ESPL1: variants seen among roughly 807,000 people sequenced by gnomAD.
The protein encoded by ESPL1 is separin.
ESPL1 carries 50 observed loss-of-function variants against 217.2 expected under a neutral mutation model. The observed-to-expected ratio is 0.23, with a 90% CI of 0.18 to 0.29. The LOEUF is 0.29. Among genes scored for constraint, ESPL1 ranks in the 10% least tolerant of loss-of-function variants. The pLI is 1.00. For missense variants in ESPL1, 1,834 were observed against 2,603.0 expected, an observed-to-expected ratio of 0.70 and a Z score of 6.43; for synonymous variants, 994 against 1,081.3, an observed-to-expected ratio of 0.92 and a Z score of 1.58.
intron 6 of ESPL1, chr12:53,274,235 TG>T (rs2120894407): frequency 6.5e-6 from 1 of 153,382 alleles, no homozygotes; most frequent in African/African-American, 2.4e-5. Context: ...TAGAGGGGCT[TG>T]GGTTTCATCT....
At position 53,283,110 on chromosome 12, in the gene ESPL1, T is replaced by C. The variant is rs748114013; in HGVS notation, c.2792-19T>C. On this transcript the variant is annotated intron_variant, in intron 14 of 30. Transcript: ENST00000257934. ...AGTTCTGGCTGCATCTTCTCCCTTTTTCACCCCACCCACCACAGGCTGGCA... is the reference window on the plus strand; with the variant it reads ...AGTTCTGGCTGCATCTTCTCCCTTTCTCACCCCACCCACCACAGGCTGGCA... 2.5e-6 allele frequency: 4 copies of C among 1,613,844 alleles called. No individual in the cohort carries two copies. Among genetic ancestry groups the C allele is most frequent in the Non-Finnish European group, 8.5e-7 (1 of 1,180,010 alleles).
rs755500270 is a variant in ESPL1, at chr12:53,282,160, A to C, written c.2620-104A>C. On this transcript the variant is annotated intron_variant, in intron 13 of 30. Transcript: ENST00000257934. This position sits in a 1 kb window ranked among gnomAD's most constrained non-coding sequence, Gnocchi z 4.0. ...TTCAGAAAATTCTAAAATCTTTCTA[A>C]TACCCAGGGCCTTCAGGGATGGGGC... The C allele has an allele frequency of 3.3e-5, 30 of 895,976 alleles. No homozygotes were observed. Among genetic ancestry groups the C allele is most frequent in the Non-Finnish European group, 5.3e-5 (30 of 561,484 alleles). The allele number at this position is 895,976 out of a possible 1,614,324, so 55.5% of individuals were successfully genotyped here.
chr12:53,279,641 A>ACCC (rs72096698), intron 11 of ESPL1, 91 bp from the exon 12 acceptor site: 427,861 of 1,518,680 alleles, frequency 0.28, 67,479 homozygotes, highest in Non-Finnish European at 0.33. Context: ...AGGTCAAACT[A>ACCC]CAGTCCAAGG....
At chr12:53,283,631 T>C in intron 16 of ESPL1, 93 bp downstream of exon 16, 1 of 1,219,522 alleles carries the variant, frequency 8.2e-7, no homozygotes, top group Non-Finnish European at 1.2e-6. Context: ...GATTACATGC[T>C]ATGTTTAGAT....
At chr12:53,288,912 G>A (rs1339846727) in intron 20 of ESPL1, 178 bp from the exon 21 acceptor site, 2 of 706,728 alleles carry the variant, frequency 2.8e-6, no homozygotes, top group South Asian at 1.8e-5. Context: ...AGGGAGCATG[G>A]TGGAATAAGT....
At position 53,269,371 on chromosome 12, in the gene ESPL1, G is replaced by A; in HGVS notation, c.429G>A (p.Val143=). The part of the protein sequence containing the change: ...REAAPQDYEA[V]ARGSFSLLWK... ...CTGCTCCCCAGGACTATGAGGCCGT[G>A]GCTCGGGGCAGCTTTTCTCTGCTTT... The change falls in exon 3 of 31, where the codon GTG becomes GTA. Residue 143 remains valine, a synonymous_variant. Transcript: ENST00000257934. The surrounding 1 kb of genome is among the most constrained non-coding windows in gnomAD (Gnocchi z 6.7). The A allele has an allele frequency of 6.2e-7, 1 of 1,614,062 alleles. No individual in the cohort carries two copies. Among genetic ancestry groups the A allele is most frequent in the African/African-American group, 1.3e-5 (1 of 75,054 alleles).
intron 2 of ESPL1, 85 bp from the exon 3 acceptor site, chr12:53,268,939 C>T (rs769886071): frequency 1.5e-5 from 22 of 1,484,064 alleles, no homozygotes; most frequent in African/African-American, 1.4e-4. Context: ...GTAGGCGACC[C>T]TCTCTGAGTA....
chr12:53,290,577 C>G, intron 24 of ESPL1, 108 bp downstream of exon 24: 1 of 1,187,876 alleles, frequency 8.4e-7, no homozygotes, highest in Non-Finnish European at 1.2e-6. Context: ...CTTCAAATCC[C>G]TTCTGGAAGT....
Position 53,286,456 on chromosome 12 carries a change from C to T in ESPL1, c.3720C>T (p.Asn1240=), listed in dbSNP as rs1009197227. Residue 1240 remains asparagine (N), a synonymous_variant, in exon 18 of 31, where the codon AAC becomes AAT. Coordinates refer to ENST00000257934, the MANE Select transcript of ESPL1 (RefSeq NM_012291.5). The surrounding 1 kb of genome is among the most constrained non-coding windows in gnomAD (Gnocchi z 5.3). ...LALEGLNQPS[N]ESLQKVLQSG... ...TGGAGGGCCTGAACCAGCCATCAAA[C>T]GAGAGCCTGCAGAAGGTTCTACAGT... 1 of 1,614,216 alleles carries T rather than the reference C, an allele frequency of 6.2e-7. No homozygotes were observed. The highest frequency in any genetic ancestry group is 8.5e-7 in the Non-Finnish European group (1 of 1,180,038).
chr12:53,279,327 T>C lies in ESPL1; in HGVS notation c.2365-405T>C, dbSNP rs983305905. Among the ~76,000 whole-genome samples the C allele has an allele frequency of 9.7e-4, 148 of 152,194 alleles. 1 individual carries two copies. Among genetic ancestry groups the C allele is most frequent in the Non-Finnish European group, 2.9e-4 (20 of 68,030 alleles). On this transcript the variant is annotated intron_variant, in intron 11 of 30. Transcript: ENST00000257934. ...GTTAACTATGAGCTATTAAACCATATTTCTAGCAGGGGAAGCTACCTCAGC... is the reference window on the plus strand; with the variant it reads ...GTTAACTATGAGCTATTAAACCATACTTCTAGCAGGGGAAGCTACCTCAGC...
At chr12:53,287,872 GTGATGGTGCC>G (rs1445409182) in intron 18 of ESPL1, 90 bp from the exon 19 acceptor site, 15 of 1,190,988 alleles carry the variant, frequency 1.3e-5, no homozygotes, top group South Asian at 2.9e-5. Flanking sequence ...AGGGTCCTGT[GTGATGGTGCC>G]TGATGGTGCC....
Position 53,288,620 on chromosome 12 carries a change from G to T in ESPL1, c.4629G>T (p.Leu1543=), listed in dbSNP as rs1476793747. ...LLRLDSSKKK[L]PSPCPDKESD... ...GGCTGGATTCCAGCAAGAAGAAGCT[G>T]CCCAGCCCATGCCCAGACAAGGAGA... The change falls in exon 20 of 31, where the codon CTG becomes CTT. Residue 1543 remains leucine (L), a synonymous_variant. Transcript: ENST00000257934. 1 of 1,613,804 alleles carries T rather than the reference G, an allele frequency of 6.2e-7. No individual in the cohort carries two copies. The highest frequency in any genetic ancestry group is 1.3e-5 in the African/African-American group (1 of 74,922).
rs768107169 is a variant in ESPL1, at chr12:53,270,050, T to A, written c.1108T>A (p.Tyr370Asn). 3.1e-6 allele frequency: 5 copies of A among 1,613,254 alleles called. No homozygotes were observed. Among genetic ancestry groups the A allele is most frequent in the Non-Finnish European group, 4.2e-6 (5 of 1,179,720 alleles). Reference protein sequence around the residue: ...ILSLFAFLGGYCSLLQQLRDD... With the variant: ...ILSLFAFLGGNCSLLQQLRDD... ...GAGCCTCTTTGCTTTTCTTGGAGGGTACTGCTCTCTTCTGCAGCAGCTGCG... is the reference window on the plus strand; with the variant it reads ...GAGCCTCTTTGCTTTTCTTGGAGGGAACTGCTCTCTTCTGCAGCAGCTGCG... Residue 370 changes from tyrosine to asparagine, a missense_variant, in exon 3 of 31, where the codon TAC becomes AAC. Tyr to Asn is a moderately radical substitution (Grantham distance 143). Around this residue, in one of 5 missense-constraint regions of ESPL1, gnomAD observed 746 missense variants for 1,077.0 expected, o/e 0.69. Transcript: ENST00000257934.
chr12:53,290,306 C>A, intron 23 of ESPL1, 41 bp from the exon 24 acceptor site: 1 of 1,610,572 alleles, frequency 6.2e-7, no homozygotes, highest in South Asian at 1.1e-5. Flanking sequence ...AGATGGTGAT[C>A]ACGTGGACAA....
intron 12 of ESPL1, 47 bp downstream of exon 12, chr12:53,279,913 C>G (rs959322404): frequency 8.7e-6 from 13 of 1,499,996 alleles, no homozygotes; most frequent in Non-Finnish European, 1.2e-5. Flanking sequence ...GGGCCCGTAG[C>G]TTTAGAGGCC....
chr12:53,272,683 C>G (rs1444760986), intron 5 of ESPL1, 38 bp from the exon 6 acceptor site: 2 of 1,603,830 alleles, frequency 1.2e-6, no homozygotes, highest in East Asian at 4.5e-5. Flanking sequence ...GTGGTGGGAG[C>G]CTTTCCTATG....
rs1380246632 is a variant in ESPL1 at position 53,276,873 on chromosome 12, G to A, written c.1940+14G>A. On this transcript the variant is annotated intron_variant, in intron 8 of 30. Transcript: ENST00000257934. ...GCAGACCAACTGGTAAGGAGTAGTA[G>A]CTGCAGAGGCCACTCTTGCTCCTTG... is the stretch of plus-strand genomic sequence containing the variant. 1.2e-6 allele frequency: 2 copies of A among 1,612,252 alleles called. No individual in the cohort carries two copies. Among genetic ancestry groups the A allele is most frequent in the South Asian group, 2.2e-5 (2 of 90,990 alleles).
intron 6 of ESPL1, 80 bp from the exon 7 acceptor site, chr12:53,274,737 C>T: frequency 8.4e-7 from 1 of 1,187,344 alleles, no homozygotes. Flanking sequence ...GGTGTATGTA[C>T]CTATTGCATG....
rs771546244 is a variant in ESPL1 at position 53,276,870 on chromosome 12, G to A, written c.1940+11G>A. The A allele has an allele frequency of 1.2e-6, 2 of 1,612,752 alleles. No individual in the cohort carries two copies. The highest frequency in any genetic ancestry group is 8.5e-7 in the Non-Finnish European group (1 of 1,179,410). On this transcript the variant is annotated intron_variant, in intron 8 of 30. Coordinates refer to ENST00000257934, the MANE Select transcript of ESPL1 (RefSeq NM_012291.5). ...GCAGCAGACCAACTGGTAAGGAGTA[G>A]TAGCTGCAGAGGCCACTCTTGCTCC... is the stretch of plus-strand genomic sequence containing the variant.
Sources: gnomAD v4.1 joint callset for allele counts (sites outside exome capture counted in the v4.1 genomes callset) on GRCh38, gnomAD v4.1.1 for gene constraint, gnomAD v4.1.1 regional missense constraint, Gnocchi (gnomAD v3.1) non-coding constraint, MANE v1.5 for transcripts, NCBI Gene and HGNC (gene_info 2026-07-23, HGNC 2026-07-21) for gene names.